PPFIBP1: variants seen among roughly 807,000 people sequenced by gnomAD.
PPFIBP1 encodes the protein liprin-beta-1.
PPFIBP1 carries 112 observed loss-of-function variants against 137.8 expected under a neutral mutation model. That is an observed-to-expected ratio of 0.81 (90% CI 0.70 to 0.95). PPFIBP1 has a LOEUF of 0.95. Among genes scored for constraint, PPFIBP1 ranks in the 40% least tolerant of loss-of-function variants. The pLI is 0.00. For missense variants in PPFIBP1, 1,083 were observed against 1,196.6 expected (o/e 0.91, Z 1.40); for synonymous variants, 378 against 417.3 (o/e 0.91, Z 1.15).
chr12:27,616,448 G>A (rs766427069), intron 2 of PPFIBP1, among the ~76,000 whole-genome samples: 3 of 151,832 alleles, frequency 2.0e-5, no homozygotes, highest in Non-Finnish European at 4.4e-5. Flanking sequence ...GGACCGTGGA[G>A]CAGACTGTGT....
chr12:27,664,580 A>T, intron 12 of PPFIBP1, 134 bp downstream of exon 12: 1 of 631,378 alleles, frequency 1.6e-6, no homozygotes, highest in Non-Finnish European at 2.9e-6. Context: ...TAATTGAACA[A>T]TTAGGCAACT....
At chr12:27,634,833 T>A (rs2095401674) in intron 3 of PPFIBP1, 77 bp from the exon 4 acceptor site, 23 of 1,198,152 alleles carry the variant, frequency 1.9e-5, no homozygotes, top group Admixed American at 5.4e-5. Flanking sequence ...GTGACTAGAC[T>A]GGTTTACCGC....
intron 2 of PPFIBP1, among the ~76,000 whole-genome samples, chr12:27,610,880 ATT>A (rs935184084): frequency 1.3e-5 from 2 of 150,062 alleles, no homozygotes; most frequent in Non-Finnish European, 3.0e-5. Flanking sequence ...GAGTTCAGTT[ATT>A]TTTCTTTTTT....
At chr12:27,652,305 G>C (rs1195838489) in intron 7 of PPFIBP1, among the ~76,000 whole-genome samples, 1 of 152,132 alleles carries the variant, frequency 6.6e-6, no homozygotes, top group Admixed American at 6.5e-5. Flanking sequence ...TTCAGGACTT[G>C]TCCCTGGAAT....
intron 1 of PPFIBP1, among the ~76,000 whole-genome samples, chr12:27,545,153 T>C (rs1946094609): frequency 6.6e-6 from 1 of 151,350 alleles, no homozygotes; most frequent in Non-Finnish European, 1.5e-5. Flanking sequence ...AAACACCACA[T>C]GTTCTCACTC....
intron 1 of PPFIBP1, among the ~76,000 whole-genome samples, chr12:27,577,579 T>C (rs2050679585): frequency 6.6e-6 from 1 of 152,190 alleles, no homozygotes; most frequent in Non-Finnish European, 1.5e-5. Flanking sequence ...TACTGTATCA[T>C]GGTGAGGATA....
chr12:27,592,636 A>G, intron 2 of PPFIBP1: 2 of 1,595,256 alleles, frequency 1.3e-6, no homozygotes, highest in Non-Finnish European at 1.7e-6. Context: ...CCCAAAGTTC[A>G]GGCAGCACTG....
rs747719241 is a variant in PPFIBP1, at chr12:27,688,368, A to C, written c.2441A>C (p.Asp814Ala). Reference protein sequence around the residue: ...HRVMEWLRSVDLAEYAPNLRG... With the variant: ...HRVMEWLRSVALAEYAPNLRG... ...GTGATGGAGTGGCTGCGCTCCGTGG[A>C]CTTGGCAGAATATGCGCCCAATCTC... Residue 814 changes from aspartate (D) to alanine (A), a missense_variant, in exon 26 of 30, where the codon GAC becomes GCC. Asp to Ala is a moderately radical substitution (Grantham distance 126). Coordinates refer to ENST00000228425, the MANE Select transcript of PPFIBP1 (RefSeq NM_003622.4). 6.2e-7 allele frequency: 1 copy of C among 1,614,178 alleles called. No individual in the cohort carries two copies. Among genetic ancestry groups the C allele is most frequent in the Admixed American group, 1.7e-5 (1 of 60,024 alleles).
chr12:27,657,016 T>C (rs2059243625), intron 9 of PPFIBP1: 2 of 243,764 alleles, frequency 8.2e-6, no homozygotes, highest in Non-Finnish European at 1.6e-5. Flanking sequence ...TCAATTGCGA[T>C]GCAAGGGAAT....
At chr12:27,592,108 A>G (rs1287995005) in intron 2 of PPFIBP1, among the ~76,000 whole-genome samples, 1 of 152,240 alleles carries the variant, frequency 6.6e-6, no homozygotes, top group Non-Finnish European at 1.5e-5. Flanking sequence ...TTCCCTTGGA[A>G]GTGCATCTTC....
intron 26 of PPFIBP1, 112 bp from the exon 27 acceptor site, chr12:27,688,901 TGA>T: frequency 1.0e-6 from 1 of 982,098 alleles, no homozygotes; most frequent in Non-Finnish European, 1.5e-6. Context: ...ACCGGGCTGT[TGA>T]GAGGATCATT....
chr12:27,592,825 A>G, intron 2 of PPFIBP1: 2 of 622,756 alleles, frequency 3.2e-6, no homozygotes, highest in Admixed American at 5.3e-5. Context: ...CATTTATGGA[A>G]CTCACATCCT....
At chr12:27,614,070 T>A (rs942408888) in intron 2 of PPFIBP1, among the ~76,000 whole-genome samples, 1 of 151,978 alleles carries the variant, frequency 6.6e-6, no homozygotes, top group African/African-American at 2.4e-5. Context: ...TAGTTTCCCC[T>A]CTCATCACTA....
At chr12:27,680,280 G>A (rs1324562897) in intron 21 of PPFIBP1, among the ~76,000 whole-genome samples, 2 of 152,226 alleles carry the variant, frequency 1.3e-5, no homozygotes, top group Non-Finnish European at 2.9e-5. Context: ...CAGAGCTAAA[G>A]TGTCAGCAGC....
intron 1 of PPFIBP1, among the ~76,000 whole-genome samples, chr12:27,542,408 T>G (rs1945768394): frequency 1.3e-5 from 2 of 152,190 alleles, no homozygotes; most frequent in South Asian, 4.1e-4. Context: ...ATTAAAAAGA[T>G]TAAGTTGAGA....
intron 24 of PPFIBP1, among the ~76,000 whole-genome samples, chr12:27,684,161 C>A (rs142397431): frequency 7.6e-4 from 115 of 151,460 alleles, no homozygotes; most frequent in African/African-American, 2.6e-3. Flanking sequence ...CAGGCTGGAG[C>A]GCAGTGGCAC....
intron 22 of PPFIBP1, 51 bp downstream of exon 22, chr12:27,681,747 T>G (rs755293484): frequency 1.3e-6 from 2 of 1,597,728 alleles, no homozygotes; most frequent in Admixed American, 1.7e-5. Flanking sequence ...AAGAAAACAG[T>G]ATGAATGTAG....
At chr12:27,649,299 C>A (rs1206575410) in intron 6 of PPFIBP1, among the ~76,000 whole-genome samples, 1 of 152,046 alleles carries the variant, frequency 6.6e-6, no homozygotes, top group Non-Finnish European at 1.5e-5. Flanking sequence ...ACTATGTTTC[C>A]TCATCTTTTG....
Position 27,574,319 on chromosome 12 carries a change from T to G in PPFIBP1, c.-123-3833T>G. Among the ~76,000 whole-genome samples the G allele has an allele frequency of 2.0e-5, 3 of 152,098 alleles. 1 individual carries two copies. The East Asian group carries it at 5.8e-4, about 29-fold the overall frequency. Reference sequence around the variant, plus strand: ...ACTCAACGTTTTCTCAGATGGAAACTTGGTGGGGGGTAAGACTAGATGGGA... The same window carrying G: ...ACTCAACGTTTTCTCAGATGGAAACGTGGTGGGGGGTAAGACTAGATGGGA... On this transcript the variant is annotated intron_variant, in intron 1 of 29. Transcript: ENST00000228425.
Sources: allele counts gnomAD v4.1 joint callset (sites outside exome capture counted in the v4.1 genomes callset), GRCh38; gene constraint gnomAD v4.1.1; transcripts MANE v1.5; gene names NCBI Gene and HGNC (gene_info 2026-07-23, HGNC 2026-07-21).